SASH1: variants seen among roughly 807,000 people sequenced by gnomAD.
SASH1 encodes the protein SAM and SH3 domain containing 1.
Under a neutral mutation model 125.2 loss-of-function variants are expected in SASH1, and 44 were observed. That is an observed-to-expected ratio of 0.35 (90% CI 0.28 to 0.45). SASH1 has a LOEUF of 0.45. Among genes scored for constraint, SASH1 ranks in the 20% least tolerant of loss-of-function variants. The pLI is 1.00. For synonymous variants in SASH1, 639 were observed against 649.1 expected, an observed-to-expected ratio of 0.98 and a Z score of 0.24; for missense variants, 1,426 against 1,614.5, an observed-to-expected ratio of 0.88 and a Z score of 2.00.
At chr6:148,344,121 T>C (rs1413917047) in intron 1 of SASH1, among the ~76,000 whole-genome samples, 1 of 152,198 alleles carries the variant, frequency 6.6e-6, no homozygotes, top group Non-Finnish European at 1.5e-5. Context: ...TGATAAACCG[T>C]GTACAGTTTT....
intron 4 of SASH1, among the ~76,000 whole-genome samples, chr6:148,444,205 C>T (rs578102259): frequency 8.5e-5 from 13 of 152,352 alleles, no homozygotes; most frequent in Admixed American, 8.5e-4. Flanking sequence ...CCTCCTTGCC[C>T]AGCTGAAACC....
In SASH1 at chr6:148,471,413, T is replaced by TTTTGG; in HGVS notation, c.428-4_428-3insTTTGG. On this transcript the variant is annotated splice_region_variant and splice_polypyrimidine_tract_variant and intron_variant, in intron 5 of 19. Transcript: ENST00000367467. ...TTTTTTTTTTTTTTTTTTTTTTTTT[T>TTTTGG]AAGGAAAAGGAGACTGGAAGAAGAA... 1 of 990,578 alleles carries TTTTGG rather than the reference T, an allele frequency of 1.0e-6. No homozygotes were observed. The highest frequency in any genetic ancestry group is 3.0e-5 in the East Asian group (1 of 32,952). 61.4% of individuals were successfully genotyped at this position (990,578 alleles called of 1,614,324 possible).
At chr6:148,253,640 A>AG in the SASH1 span, among the ~76,000 whole-genome samples, 1 of 152,178 alleles carries the variant, frequency 6.6e-6, no homozygotes, top group Non-Finnish European at 1.5e-5. Flanking sequence ...TGGGAGGCCA[A>AG]GGAGGGTGGA....
chr6:148,266,526 C>T, the SASH1 span, among the ~76,000 whole-genome samples: 1 of 152,070 alleles, frequency 6.6e-6, no homozygotes, highest in African/African-American at 2.4e-5. Context: ...ATACAAAGGG[C>T]CCAATGTTAG....
At chr6:148,387,340 G>A (rs553872372) in intron 1 of SASH1, among the ~76,000 whole-genome samples, 7 of 151,600 alleles carry the variant, frequency 4.6e-5, no homozygotes, top group African/African-American at 1.2e-4. Flanking sequence ...GGCTGGTCTC[G>A]AACTGCTGAC....
chr6:148,375,094 C>G (rs1782840909), intron 1 of SASH1, among the ~76,000 whole-genome samples: 1 of 151,892 alleles, frequency 6.6e-6, no homozygotes, highest in Non-Finnish European at 1.5e-5. Context: ...GGGCTCAGGT[C>G]ATCCTCCCTC....
At chr6:148,324,035 G>A (rs559821098) in intron 1 of SASH1, among the ~76,000 whole-genome samples, 4 of 146,982 alleles carry the variant, frequency 2.7e-5, no homozygotes, top group East Asian at 4.1e-4. Flanking sequence ...CAGGAGAATC[G>A]CTTGAACCCG....
chr6:148,501,360 C>T (rs1313599504), intron 8 of SASH1, among the ~76,000 whole-genome samples: 1 of 152,210 alleles, frequency 6.6e-6, no homozygotes, highest in African/African-American at 2.4e-5. Flanking sequence ...TGAACACTTT[C>T]ATCAGCTCCA....
At chr6:148,490,179 G>A (rs1406205382) in intron 8 of SASH1, among the ~76,000 whole-genome samples, 3 of 151,694 alleles carry the variant, frequency 2.0e-5, no homozygotes, top group African/African-American at 7.3e-5. Context: ...AAGTTCCATA[G>A]GGATGATAGG....
At chr6:148,534,949 C>G (rs755657546) in intron 16 of SASH1, 48 bp downstream of exon 16, 1 of 1,598,820 alleles carries the variant, frequency 6.3e-7, no homozygotes, top group South Asian at 1.1e-5. Flanking sequence ...TCTGCCACAG[C>G]AGGCCCCACG....
At chr6:148,328,600 A>C (rs963027922) in intron 1 of SASH1, among the ~76,000 whole-genome samples, 1 of 152,096 alleles carries the variant, frequency 6.6e-6, no homozygotes, top group Non-Finnish European at 1.5e-5. Context: ...CTCAAAAAAA[A>C]AAAAAATAGT....
In SASH1 at chr6:148,485,630, T is replaced by A. The variant is rs150075057; in HGVS notation, c.628-1984T>A. On this transcript the variant is annotated intron_variant, in intron 7 of 19. Transcript: ENST00000367467. Reference sequence around the variant, plus strand: ...GGGTTAAATAATTTGTCCTCAGGCCTCCCAGCTGGTATTTGGTTCTGCATT... The same window carrying A: ...GGGTTAAATAATTTGTCCTCAGGCCACCCAGCTGGTATTTGGTTCTGCATT... 6.2e-3 allele frequency among the ~76,000 whole-genome samples: 944 copies of A among 152,286 alleles called. 8 individuals carry two copies. Among genetic ancestry groups the A allele is most frequent in the African/African-American group, 0.022 (895 of 41,554 alleles).
chr6:148,300,685 G>A (rs941169231), intron 1 of SASH1, among the ~76,000 whole-genome samples: 14 of 152,034 alleles, frequency 9.2e-5, no homozygotes, highest in South Asian at 2.1e-4. Context: ...GTTTTACCAC[G>A]TTGGCTAGGC....
intron 2 of SASH1, among the ~76,000 whole-genome samples, chr6:148,409,849 G>C (rs755216406): frequency 6.6e-6 from 1 of 151,960 alleles, no homozygotes; most frequent in Non-Finnish European, 1.5e-5. Context: ...CAGGCAAATC[G>C]CTTGAACTGG....
intron 8 of SASH1, among the ~76,000 whole-genome samples, chr6:148,499,056 T>TG (rs1160990547): frequency 5.5e-5 from 8 of 146,508 alleles, no homozygotes; most frequent in African/African-American, 1.6e-4. Flanking sequence ...TTCTTTTTTT[T>TG]GTTTTTTTTT....
intron 1 of SASH1, among the ~76,000 whole-genome samples, chr6:148,336,051 G>A (rs1474480883): frequency 1.3e-5 from 2 of 152,012 alleles, no homozygotes; most frequent in Non-Finnish European, 2.9e-5. Context: ...TATCAAATAA[G>A]TGGAATTTTC....
At chr6:148,412,076 CGTT>C (rs1484629407) in intron 2 of SASH1, among the ~76,000 whole-genome samples, 4 of 152,020 alleles carry the variant, frequency 2.6e-5, no homozygotes, top group Non-Finnish European at 4.4e-5. Context: ...ACTCATGACT[CGTT>C]GTAACTTGTA....
At chr6:148,403,567 G>A (rs1031252136) in intron 2 of SASH1, among the ~76,000 whole-genome samples, 1 of 152,128 alleles carries the variant, frequency 6.6e-6, no homozygotes, top group Admixed American at 6.6e-5. Flanking sequence ...TTTTGCTCTT[G>A]TCACCTAGGC....
intron 10 of SASH1, chr6:148,525,081 T>A: frequency 1.8e-6 from 1 of 547,224 alleles, no homozygotes; most frequent in South Asian, 2.2e-5. Flanking sequence ...GTAGGCAGAG[T>A]TCCAGTGGCC....
Sources: gnomAD v4.1 joint callset for allele counts (sites outside exome capture counted in the v4.1 genomes callset) on GRCh38, gnomAD v4.1.1 for gene constraint, MANE v1.5 for transcripts, NCBI Gene and HGNC (gene_info 2026-07-23, HGNC 2026-07-21) for gene names.